The following CPNE4 variants were observed in gnomAD, a reference collection of about 807,000 sequenced individuals.
CPNE4 encodes the protein copine 4, also known as copine-4.
A neutral mutation model predicts 67.9 loss-of-function variants in CPNE4; 25 were observed. The observed-to-expected ratio is 0.37, with a 90% CI of 0.27 to 0.51. The LOEUF is 0.51. Among genes scored for constraint, CPNE4 ranks in the 20% least tolerant of loss-of-function variants. The probability of loss-of-function intolerance (pLI) is 0.93; values close to 1 mark genes in which losing one functional copy is unlikely to be tolerated. For missense variants in CPNE4, 464 were observed against 690.8 expected, an observed-to-expected ratio of 0.67 and a Z score of 3.68; for synonymous variants, 242 against 244.9, an observed-to-expected ratio of 0.99 and a Z score of 0.11.
chr3:132,024,002 C>T (rs952692943), intron 1 of CPNE4, among the ~76,000 whole-genome samples: 2 of 151,924 alleles, frequency 1.3e-5, no homozygotes, highest in Admixed American at 1.3e-4. Flanking sequence ...AACGGGTAAA[C>T]TGCTTTGTTT....
chr3:131,772,197 G>C (rs1179342677), intron 2 of CPNE4, among the ~76,000 whole-genome samples: 1 of 152,064 alleles, frequency 6.6e-6, no homozygotes, highest in African/African-American at 2.4e-5. Flanking sequence ...CTGAGAGGAA[G>C]GAATGACAAA....
At chr3:131,645,274 G>T (rs1212618646) in intron 7 of CPNE4, among the ~76,000 whole-genome samples, 1 of 152,092 alleles carries the variant, frequency 6.6e-6, no homozygotes, top group East Asian at 1.9e-4. Flanking sequence ...TAATATCTCT[G>T]CATCTTTTAT....
At chr3:131,843,027 C>G (rs1452233402) in intron 2 of CPNE4, among the ~76,000 whole-genome samples, 1 of 152,180 alleles carries the variant, frequency 6.6e-6, no homozygotes, top group African/African-American at 2.4e-5. Flanking sequence ...GCAAGGGTAC[C>G]TTGGGTTGGG....
At chr3:131,911,544 TG>T (rs2088976008) in intron 1 of CPNE4, among the ~76,000 whole-genome samples, 3 of 1,954 alleles carry the variant, frequency 1.5e-3, no homozygotes, top group African/African-American at 3.0e-3. Flanking sequence ...CACTCCAAGT[TG>T]TGTGTGTGTG....
intron 2 of CPNE4, among the ~76,000 whole-genome samples, chr3:131,783,562 T>G (rs1173266123): frequency 1.3e-5 from 2 of 152,078 alleles, no homozygotes; most frequent in Non-Finnish European, 2.9e-5. Context: ...TAGTGTCTAA[T>G]GCTTAGTGAC....
intron 2 of CPNE4, among the ~76,000 whole-genome samples, chr3:131,738,586 C>A (rs2082289901): frequency 6.6e-6 from 1 of 151,918 alleles, no homozygotes; most frequent in South Asian, 2.1e-4. Flanking sequence ...TAATTCTATA[C>A]CTGATTTTAA....
At chr3:131,884,819 T>C (rs1036894171) in intron 2 of CPNE4, among the ~76,000 whole-genome samples, 2 of 152,204 alleles carry the variant, frequency 1.3e-5, no homozygotes, top group Admixed American at 1.3e-4. Flanking sequence ...CCATGTAAGA[T>C]GTGACTTGTT....
chr3:131,565,049 C>G (rs543060630), intron 10 of CPNE4, among the ~76,000 whole-genome samples: 1 of 151,944 alleles, frequency 6.6e-6, no homozygotes, highest in Non-Finnish European at 1.5e-5. Flanking sequence ...TCTTCTGACC[C>G]CCAGTATCAT....
intron 7 of CPNE4, among the ~76,000 whole-genome samples, chr3:131,625,669 C>T (rs775257873): frequency 2.0e-5 from 3 of 152,088 alleles, no homozygotes; most frequent in Admixed American, 6.6e-5. Context: ...TGCCTGAAGT[C>T]GTGGATAGAA....
intron 3 of CPNE4, among the ~76,000 whole-genome samples, chr3:131,708,871 T>G (rs76947312): frequency 0.14 from 20,670 of 149,234 alleles, 1,643 homozygotes; most frequent in African/African-American, 0.2. Context: ...TATTTGGCAG[T>G]TTATAGCAAG....
intron 1 of CPNE4, among the ~76,000 whole-genome samples, chr3:131,966,846 T>A (rs1583529950): frequency 6.6e-6 from 1 of 152,004 alleles, no homozygotes; most frequent in Non-Finnish European, 1.5e-5. Flanking sequence ...TTCCAAACAA[T>A]AGAGAAAGGA....
chr3:131,800,381 G>T (rs1243338608), intron 2 of CPNE4, among the ~76,000 whole-genome samples: 1 of 152,148 alleles, frequency 6.6e-6, no homozygotes, highest in Non-Finnish European at 1.5e-5. Flanking sequence ...CTTGAAGACA[G>T]CTTAGAAACC....
intron 2 of CPNE4, among the ~76,000 whole-genome samples, chr3:131,890,004 A>G (rs1488760005): frequency 1.3e-5 from 2 of 149,418 alleles, no homozygotes; most frequent in African/African-American, 4.9e-5. Context: ...AAAATATAGA[A>G]AAAAATTATC....
At chr3:131,997,976 G>A (rs1050818602) in intron 1 of CPNE4, among the ~76,000 whole-genome samples, 2 of 152,106 alleles carry the variant, frequency 1.3e-5, no homozygotes, top group Non-Finnish European at 2.9e-5. Flanking sequence ...GAGCCCTTAT[G>A]ACTTCATCAC....
chr3:131,752,644 G>A (rs898401410), intron 2 of CPNE4, among the ~76,000 whole-genome samples: 2 of 152,056 alleles, frequency 1.3e-5, no homozygotes, highest in Admixed American at 6.6e-5. Flanking sequence ...GAGATGAATG[G>A]GGAAAAGTAC....
At chr3:131,577,137 G>T (rs747765242) in intron 9 of CPNE4, among the ~76,000 whole-genome samples, 1 of 151,964 alleles carries the variant, frequency 6.6e-6, no homozygotes, top group African/African-American at 2.4e-5. Flanking sequence ...CCCAGCAATT[G>T]GTGTAAAGGG....
intron 6 of CPNE4, among the ~76,000 whole-genome samples, chr3:131,670,667 C>T (rs1470764536): frequency 6.6e-6 from 1 of 152,178 alleles, no homozygotes. Flanking sequence ...CCGACAGACA[C>T]TCTGGAGGTG....
intron 1 of CPNE4, among the ~76,000 whole-genome samples, chr3:131,982,556 T>C (rs1302607319): frequency 6.6e-6 from 1 of 152,226 alleles, no homozygotes; most frequent in African/African-American, 2.4e-5. Flanking sequence ...TTACCAGGAT[T>C]AGTGTTTACG....
At position 131,926,601 on chromosome 3, in the gene CPNE4, C is replaced by T. The variant is rs2070902766; in HGVS notation, c.-1-21157G>A. Among the ~76,000 whole-genome samples, 3 of 152,052 alleles carry T rather than the reference C, an allele frequency of 2.0e-5. No individual in the cohort carries two copies. In the South Asian group the frequency reaches 6.2e-4, roughly 32 times the overall value. ...TTATATCCCTGAGTCAGTTACCAAT[C>T]CGTGGACTTTCCAACAGAGGAGCAC... On this transcript the variant is annotated intron_variant, in intron 1 of 15. Transcript: ENST00000429747.
Sources: gnomAD v4.1 joint callset for allele counts (sites outside exome capture counted in the v4.1 genomes callset) on GRCh38, gnomAD v4.1.1 for gene constraint, MANE v1.5 for transcripts, NCBI Gene and HGNC (gene_info 2026-07-23, HGNC 2026-07-21) for gene names.